IL1RAPL2: variants seen among roughly 807,000 people sequenced by gnomAD.
IL1RAPL2 encodes X-linked interleukin-1 receptor accessory protein-like 2.
A neutral mutation model predicts 44.1 loss-of-function variants in IL1RAPL2; 3 were observed. The ratio of observed to expected loss-of-function variants is 0.07; its 90% CI spans 0.03 to 0.18. The LOEUF is 0.18. Among genes scored for constraint, IL1RAPL2 ranks in the 10% least tolerant of loss-of-function variants. The pLI is 1.00. For synonymous variants in IL1RAPL2, 181 were observed against 178.8 expected (o/e 1.01, Z -0.10); for missense variants, 391 against 496.4 (o/e 0.79, Z 2.02).
chrX:105,749,118 ATTG>A lies in IL1RAPL2; in HGVS notation c.1192+18_1192+20del, dbSNP rs756779090. 8.4e-7 allele frequency: 1 copy of A among 1,193,838 alleles called. No homozygotes were observed. Among genetic ancestry groups the A allele is most frequent in the East Asian group, 3.0e-5 (1 of 33,639 alleles). On this transcript the variant is annotated intron_variant, in intron 9 of 10. Transcript: ENST00000372582. ...AACTAATGATGGTAAGCTGTCTTCT[ATTG>A]TTCAAATTCCATTAAACGGCATGCA...
chrX:104,939,947 G>A (rs1007069184), intron 2 of IL1RAPL2, among the ~76,000 whole-genome samples: 1 of 111,592 alleles, frequency 9.0e-6, no homozygotes, highest in African/African-American at 3.3e-5. Flanking sequence ...GGAGGTGGGA[G>A]GGTAGGGCTA....
At chrX:104,999,473 C>T (rs190940885) in intron 2 of IL1RAPL2, among the ~76,000 whole-genome samples, 77 of 111,700 alleles carry the variant, frequency 6.9e-4, no homozygotes, top group Non-Finnish European at 7.0e-4. Flanking sequence ...GCATTTAAAG[C>T]GAGGCCAATC....
intron 6 of IL1RAPL2, among the ~76,000 whole-genome samples, chrX:105,706,694 TAC>T (rs2038168577): frequency 9.0e-6 from 1 of 111,345 alleles, no homozygotes. Context: ...CTTTGTGAAT[TAC>T]ATTCAGGCCA....
chrX:105,294,172 G>A lies in IL1RAPL2; in HGVS notation c.697+26631G>A, dbSNP rs181714206. On this transcript the variant is annotated intron_variant, in intron 5 of 10. Transcript: ENST00000372582. ...CTGCTTTTTTTGGAGCTGAGGCAAG[G>A]GGAAATTTCCTTATACTTTTATCAA... Among the ~76,000 whole-genome samples, 598 of 111,663 alleles carry A rather than the reference G, an allele frequency of 5.4e-3. 6 individuals carry two copies. Among genetic ancestry groups the A allele is most frequent in the African/African-American group, 0.019 (569 of 30,754 alleles).
chrX:105,209,906 C>T (rs1217022273), intron 3 of IL1RAPL2, among the ~76,000 whole-genome samples: 4 of 111,533 alleles, frequency 3.6e-5, no homozygotes, highest in East Asian at 2.8e-4. Context: ...GAATTATTCA[C>T]CTTCCTTTCT....
intron 2 of IL1RAPL2, among the ~76,000 whole-genome samples, chrX:104,885,444 T>G (rs1349524538): frequency 9.0e-6 from 1 of 111,333 alleles, no homozygotes; most frequent in Admixed American, 9.5e-5. Context: ...CTTCCTCGAG[T>G]GGCTATGGGA....
chrX:105,523,683 G>T (rs1259987799), intron 6 of IL1RAPL2, among the ~76,000 whole-genome samples: 3 of 110,684 alleles, frequency 2.7e-5, no homozygotes, highest in African/African-American at 9.8e-5. Context: ...AGTCTATAGG[G>T]GTCCACCACT....
At chrX:105,427,989 A>G (rs1199175701) in intron 5 of IL1RAPL2, among the ~76,000 whole-genome samples, 1 of 112,224 alleles carries the variant, frequency 8.9e-6, no homozygotes, top group East Asian at 2.8e-4. Flanking sequence ...CAAATTCAAA[A>G]CACTATATGG....
At chrX:105,186,007 G>A (rs1261535473) in intron 2 of IL1RAPL2, among the ~76,000 whole-genome samples, 2 of 111,339 alleles carry the variant, frequency 1.8e-5, no homozygotes, top group Non-Finnish European at 3.8e-5. Flanking sequence ...AACAAAAATA[G>A]AATATAACAA....
chrX:105,683,793 T>C (rs1359502832), intron 6 of IL1RAPL2, among the ~76,000 whole-genome samples: 1 of 112,457 alleles, frequency 8.9e-6, no homozygotes, highest in Admixed American at 9.4e-5. Context: ...CAGTGCATCC[T>C]TGCAATCTAG....
intron 6 of IL1RAPL2, among the ~76,000 whole-genome samples, chrX:105,674,013 GTTGT>G (rs1383824836): frequency 9.0e-6 from 1 of 111,440 alleles, no homozygotes; most frequent in Non-Finnish European, 1.9e-5. Flanking sequence ...TTTTAATGGG[GTTGT>G]TTGTTTTTAC....
intron 4 of IL1RAPL2, among the ~76,000 whole-genome samples, chrX:105,245,597 G>A (rs2034212334): frequency 8.9e-6 from 1 of 112,572 alleles, no homozygotes; most frequent in Admixed American, 9.4e-5. Context: ...ATTCAATAAT[G>A]TTAGTGTTTT....
chrX:105,036,884 C>T (rs2031639229), intron 2 of IL1RAPL2, among the ~76,000 whole-genome samples: 1 of 97,944 alleles, frequency 1.0e-5, no homozygotes, highest in African/African-American at 3.7e-5. Flanking sequence ...TAGATGTCTA[C>T]ATAATGAGAT....
chrX:105,461,952 C>T (rs769970871), intron 5 of IL1RAPL2, among the ~76,000 whole-genome samples: 22 of 110,836 alleles, frequency 2.0e-4, no homozygotes, highest in Admixed American at 3.9e-4. Context: ...GAATGAAGCA[C>T]TATGTATCTT....
At chrX:104,859,793 T>A (rs747796490) in intron 2 of IL1RAPL2, among the ~76,000 whole-genome samples, 2 of 112,309 alleles carry the variant, frequency 1.8e-5, no homozygotes, top group Non-Finnish European at 3.8e-5. Context: ...TAATATAGTT[T>A]AATGACTGTA....
At chrX:104,609,462 TCTC>T (rs1569280101) in intron 1 of IL1RAPL2, among the ~76,000 whole-genome samples, 1 of 112,187 alleles carries the variant, frequency 8.9e-6, no homozygotes, top group Non-Finnish European at 1.9e-5. Context: ...CTGGTTCCAT[TCTC>T]CTCATCACTT....
intron 5 of IL1RAPL2, among the ~76,000 whole-genome samples, chrX:105,317,508 T>C (rs1433749086): frequency 8.9e-6 from 1 of 112,209 alleles, no homozygotes; most frequent in Non-Finnish European, 1.9e-5. Context: ...TCATTTCTTG[T>C]TGTTGAAATT....
intron 2 of IL1RAPL2, among the ~76,000 whole-genome samples, chrX:104,669,833 T>C (rs1930559135): frequency 1.8e-5 from 2 of 111,876 alleles, no homozygotes; most frequent in African/African-American, 6.5e-5. Context: ...CAAAACTCAA[T>C]TTTTAATCTA....
At chrX:104,976,386 G>A (rs2030335122) in intron 2 of IL1RAPL2, among the ~76,000 whole-genome samples, 1 of 111,856 alleles carries the variant, frequency 8.9e-6, no homozygotes, top group African/African-American at 3.3e-5. Context: ...AGGTAGTAAG[G>A]TGTTATAAAA....
Sources: gnomAD v4.1 joint callset for allele counts (sites outside exome capture counted in the v4.1 genomes callset) on GRCh38, gnomAD v4.1.1 for gene constraint, MANE v1.5 for transcripts, NCBI Gene and HGNC (gene_info 2026-07-23, HGNC 2026-07-21) for gene names.